Variants in CCDC30 observed in about 807,000 individuals in gnomAD.
CCDC30 encodes the protein coiled-coil domain containing 30.
Under a neutral mutation model 100.2 loss-of-function variants are expected in CCDC30, and 70 were observed. The ratio of observed to expected loss-of-function variants is 0.70; its 90% CI spans 0.58 to 0.85. CCDC30 has a LOEUF of 0.85. CCDC30 is among the 40% of genes least tolerant of loss of function. The probability of loss-of-function intolerance (pLI) is 0.00; values close to 1 mark genes in which losing one functional copy is unlikely to be tolerated. For missense variants in CCDC30, 652 were observed against 771.2 expected, an observed-to-expected ratio of 0.85 and a Z score of 1.83; for synonymous variants, 233 against 269.5, an observed-to-expected ratio of 0.86 and a Z score of 1.33.
At chr1:42,650,353 G>C (rs1648230350) in intron 15 of CCDC30, among the ~76,000 whole-genome samples, 1 of 151,954 alleles carries the variant, frequency 6.6e-6, no homozygotes, top group Non-Finnish European at 1.5e-5. Flanking sequence ...TAAAAAATTA[G>C]CTGGGCATAG....
At chr1:42,527,466 G>T (rs535958473) in intron 6 of CCDC30, among the ~76,000 whole-genome samples, 1 of 152,222 alleles carries the variant, frequency 6.6e-6, no homozygotes, top group South Asian at 2.1e-4. Flanking sequence ...GAATAATAAT[G>T]TCCCTAGGAC....
intron 6 of CCDC30, among the ~76,000 whole-genome samples, chr1:42,565,909 C>CCA (rs1373821108): frequency 3.0e-5 from 4 of 131,762 alleles, no homozygotes; most frequent in Admixed American, 7.4e-5. Flanking sequence ...CCAACAGACA[C>CCA]CACACAGACA....
intron 1 of CCDC30, among the ~76,000 whole-genome samples, chr1:42,478,283 A>T (rs1444344671): frequency 1.3e-5 from 2 of 152,212 alleles, no homozygotes; most frequent in Non-Finnish European, 2.9e-5. Context: ...AGTAATAATC[A>T]AAGAATGAGA....
chr1:42,528,739 G>T (rs1245396954), intron 6 of CCDC30, among the ~76,000 whole-genome samples: 1 of 152,176 alleles, frequency 6.6e-6, no homozygotes, highest in Non-Finnish European at 1.5e-5. Flanking sequence ...CTTTTTTGAA[G>T]GGAGGTATCA....
intron 6 of CCDC30, among the ~76,000 whole-genome samples, chr1:42,520,982 T>G (rs567411339): frequency 6.7e-6 from 1 of 148,878 alleles, no homozygotes; most frequent in South Asian, 2.1e-4. Context: ...TTTTTTCTTT[T>G]TTTTTTTTTG....
chr1:42,551,036 A>G (rs1396979897), intron 6 of CCDC30, among the ~76,000 whole-genome samples: 2 of 152,032 alleles, frequency 1.3e-5, no homozygotes, highest in Non-Finnish European at 2.9e-5. Context: ...GGTTTGTTAC[A>G]TATGTATACA....
intron 1 of CCDC30, among the ~76,000 whole-genome samples, chr1:42,477,562 T>C (rs1350216538): frequency 6.6e-6 from 1 of 152,210 alleles, no homozygotes; most frequent in Non-Finnish European, 1.5e-5. Flanking sequence ...AGGAGAATGA[T>C]GTCATTATAA....
chr1:42,544,532 T>G (rs1240021950), intron 6 of CCDC30, among the ~76,000 whole-genome samples: 1 of 152,238 alleles, frequency 6.6e-6, no homozygotes, highest in African/African-American at 2.4e-5. Flanking sequence ...TTTTTATTTT[T>G]GAGACAGGGT....
intron 3 of CCDC30, among the ~76,000 whole-genome samples, chr1:42,486,026 A>G (rs1644044952): frequency 6.6e-6 from 1 of 152,202 alleles, no homozygotes. Context: ...AAACCCTTAT[A>G]CATTGCTAGT....
chr1:42,498,747 T>G, intron 5 of CCDC30, 71 bp from the exon 6 acceptor site: 2 of 687,316 alleles, frequency 2.9e-6, no homozygotes, highest in Non-Finnish European at 4.1e-6. Flanking sequence ...CTTGTATAAT[T>G]AAAAAACAAA....
At chr1:42,489,973 T>C (rs1396306384) in intron 3 of CCDC30, 185 bp from the exon 4 acceptor site, 2 of 304,686 alleles carry the variant, frequency 6.6e-6, no homozygotes, top group African/African-American at 2.2e-5. Flanking sequence ...GGGCTAAATA[T>C]AGGGTGCAGT....
In CCDC30 at chr1:42,582,968, C is replaced by A. The variant is rs549317651; in HGVS notation, c.1001+1454C>A. On this transcript the variant is annotated intron_variant, in intron 9 of 16. Coordinates refer to ENST00000668663, the Ensembl canonical transcript of CCDC30. Reference sequence around the variant, plus strand: ...TGGAAAGTTTGCTAAACTTTAATTTCTCTGTCAGAATTGTGGTAAGCTGAA... The same window carrying A: ...TGGAAAGTTTGCTAAACTTTAATTTATCTGTCAGAATTGTGGTAAGCTGAA... 3.9e-5 allele frequency among the ~76,000 whole-genome samples: 6 copies of A among 152,300 alleles called. No individual in the cohort carries two copies. In the East Asian group the frequency reaches 1.2e-3, roughly 29 times the overall value.
rs1181298704 is a variant in CCDC30, at chr1:42,520,634, CTTT to C, written c.456+21740_456+21742del. On this transcript the variant is annotated intron_variant, in intron 6 of 16. Transcript: ENST00000668663. ...CATGAGCCACCACGCCCGGCCTCAT[CTTT>C]TTTTTTTTTTTTTTTTTTTTTGAGA... 1.5e-4 allele frequency among the ~76,000 whole-genome samples: 10 copies of C among 64,784 alleles called. No individual in the cohort carries two copies. The East Asian group carries it at 4.3e-3, about 28-fold the overall frequency. The allele number at this position is 64,784 out of a possible 152,430, so 42.5% of individuals were successfully genotyped here.
At chr1:42,538,436 G>C (rs1644950875) in intron 6 of CCDC30, among the ~76,000 whole-genome samples, 1 of 151,754 alleles carries the variant, frequency 6.6e-6, no homozygotes, top group Non-Finnish European at 1.5e-5. Context: ...TTGTAGTTAG[G>C]AACACAGAGT....
At chr1:42,479,008 T>G (rs1410792917) in intron 1 of CCDC30, among the ~76,000 whole-genome samples, 2 of 152,100 alleles carry the variant, frequency 1.3e-5, no homozygotes, top group East Asian at 1.9e-4. Context: ...GTAAAAAAAC[T>G]GAAAAAGAAC....
At chr1:42,593,926 G>A (rs1423855157) in intron 10 of CCDC30, 1 of 152,104 alleles carries the variant, frequency 6.6e-6, no homozygotes, top group Non-Finnish European at 1.5e-5. Flanking sequence ...CAAGCTCATG[G>A]CCCAGGGGAA....
chr1:42,481,545 C>G (rs942486371), intron 2 of CCDC30, among the ~76,000 whole-genome samples: 2 of 145,820 alleles, frequency 1.4e-5, no homozygotes, highest in African/African-American at 5.1e-5. Flanking sequence ...TCATTGCACT[C>G]CAGCCTGGGC....
intron 8 of CCDC30, among the ~76,000 whole-genome samples, chr1:42,580,028 G>A (rs1249908323): frequency 1.3e-5 from 2 of 152,100 alleles, no homozygotes. Flanking sequence ...TGGTGGAGAG[G>A]GATGAGGGAT....
chr1:42,650,806 T>G (rs1057291633), intron 15 of CCDC30, among the ~76,000 whole-genome samples: 2 of 151,990 alleles, frequency 1.3e-5, no homozygotes, highest in Admixed American at 1.3e-4. Context: ...CTTTAAATTT[T>G]TTGTAGCGAT....
Sources: allele counts gnomAD v4.1 joint callset (sites outside exome capture counted in the v4.1 genomes callset), GRCh38; gene constraint gnomAD v4.1.1; transcripts MANE v1.5; gene names NCBI Gene and HGNC (gene_info 2026-07-23, HGNC 2026-07-21).